The following TBC1D5 variants were observed in gnomAD, a reference collection of about 807,000 sequenced individuals.
The protein encoded by TBC1D5 is TBC1 domain family member 5.
Under a neutral mutation model 100.3 loss-of-function variants are expected in TBC1D5, and 75 were observed. That is an observed-to-expected ratio of 0.75 (90% confidence interval 0.62 to 0.91). The LOEUF (loss-of-function observed/expected upper bound fraction) is 0.91. Ranked by LOEUF, TBC1D5 falls within the 40% of genes least tolerant of loss-of-function variation. The pLI, the probability that TBC1D5 is intolerant of heterozygous loss-of-function variation, is 0.00. For synonymous variants in TBC1D5, 323 were observed against 325.6 expected (o/e 0.99, Z 0.09); for missense variants, 910 against 942.4 (o/e 0.97, Z 0.45).
intron 18 of TBC1D5, among the ~76,000 whole-genome samples, chr3:17,207,620 ACTTC>A (rs1219023437): frequency 6.6e-6 from 1 of 152,228 alleles, no homozygotes; most frequent in African/African-American, 2.4e-5. Flanking sequence ...TAAATGTGAT[ACTTC>A]CTTTTTATCT....
chr3:17,346,518 A>G (rs557431501), intron 13 of TBC1D5, among the ~76,000 whole-genome samples: 75 of 152,210 alleles, frequency 4.9e-4, no homozygotes, highest in African/African-American at 1.7e-3. Context: ...ACTTGTAAAC[A>G]TTTTTCCTAA....
At chr3:17,558,150 A>G (rs2096534372) in intron 2 of TBC1D5, among the ~76,000 whole-genome samples, 1 of 152,202 alleles carries the variant, frequency 6.6e-6, no homozygotes, top group Non-Finnish European at 1.5e-5. Flanking sequence ...TAAGAAACGA[A>G]AGTCAACTCT....
chr3:17,582,530 C>T (rs564162622), intron 2 of TBC1D5, among the ~76,000 whole-genome samples: 9 of 151,844 alleles, frequency 5.9e-5, no homozygotes, highest in African/African-American at 2.2e-4. Flanking sequence ...AAGAAATCTC[C>T]GAAAGACATG....
intron 2 of TBC1D5, among the ~76,000 whole-genome samples, chr3:17,533,770 A>T (rs1445593050): frequency 6.6e-6 from 1 of 152,138 alleles, no homozygotes; most frequent in Non-Finnish European, 1.5e-5. Context: ...GTATTATGTT[A>T]TTCTACTTTT....
intron 15 of TBC1D5, among the ~76,000 whole-genome samples, chr3:17,262,772 C>T (rs559053154): frequency 3.3e-5 from 5 of 152,152 alleles, no homozygotes; most frequent in African/African-American, 1.2e-4. Flanking sequence ...TGAGCCACCA[C>T]ACCCGGCCGA....
intron 2 of TBC1D5, among the ~76,000 whole-genome samples, chr3:17,564,166 A>C (rs1382250356): frequency 6.6e-6 from 1 of 152,220 alleles, no homozygotes; most frequent in Non-Finnish European, 1.5e-5. Flanking sequence ...TTAACAAAAA[A>C]TAAAGATAGT....
chr3:17,560,473 G>A (rs1337095219), intron 2 of TBC1D5, among the ~76,000 whole-genome samples: 1 of 152,050 alleles, frequency 6.6e-6, no homozygotes, highest in African/African-American at 2.4e-5. Context: ...TGAAAAATTA[G>A]CCAGCCATGG....
At chr3:17,330,805 A>G (rs2086774261) in intron 13 of TBC1D5, among the ~76,000 whole-genome samples, 1 of 152,182 alleles carries the variant, frequency 6.6e-6, no homozygotes. Context: ...AAAATATCCA[A>G]TGGTGAAATC....
intron 20 of TBC1D5, among the ~76,000 whole-genome samples, chr3:17,167,130 A>C (rs2066699505): frequency 6.6e-6 from 1 of 152,192 alleles, no homozygotes. Context: ...GAGCAAGAAA[A>C]ACGTCAGGAC....
In TBC1D5 at chr3:17,375,457, C is replaced by T. The variant is rs528173843; in HGVS notation, c.702-778G>A. Among the ~76,000 whole-genome samples the T allele has an allele frequency of 1.4e-4, 21 of 152,056 alleles. No individual in the cohort carries two copies. The South Asian group carries it at 2.9e-3, about 21-fold the overall frequency. ...TGGTGCCCGCCTGTAGTCTCAGCTA[C>T]TCGGGAGTCTGAGGCAGGAGAATCA... On this transcript the variant is annotated intron_variant, in intron 10 of 21. Coordinates refer to ENST00000253692, the Ensembl canonical transcript of TBC1D5.
chr3:17,264,363 T>C (rs746828320), intron 15 of TBC1D5, among the ~76,000 whole-genome samples: 3 of 152,184 alleles, frequency 2.0e-5, no homozygotes, highest in Admixed American at 6.5e-5. Context: ...GGTATCTCCA[T>C]TTGAATCATC....
intron 2 of TBC1D5, among the ~76,000 whole-genome samples, chr3:17,600,760 G>A (rs1421750469): frequency 6.6e-6 from 1 of 151,978 alleles, no homozygotes; most frequent in Admixed American, 6.6e-5. Flanking sequence ...AAGTCAGTTG[G>A]TTATTACTCT....
At chr3:17,727,449 A>G (rs1052833859) in intron 1 of TBC1D5, among the ~76,000 whole-genome samples, 1 of 152,228 alleles carries the variant, frequency 6.6e-6, no homozygotes, top group Non-Finnish European at 1.5e-5. Context: ...AAGATAATAA[A>G]TAAAGGAGAA....
intron 1 of TBC1D5, among the ~76,000 whole-genome samples, chr3:17,705,089 C>G (rs1334660964): frequency 1.6e-5 from 2 of 121,498 alleles, no homozygotes; most frequent in East Asian, 2.9e-4. Context: ...CACGGCTGGC[C>G]AGGCGGGGGG....
chr3:17,564,209 C>T (rs367711529), intron 2 of TBC1D5, among the ~76,000 whole-genome samples: 2 of 152,058 alleles, frequency 1.3e-5, no homozygotes, highest in African/African-American at 4.8e-5. Flanking sequence ...AGGAAAAAAA[C>T]GACCTCCCCA....
chr3:17,525,662 C>A (rs73155208), intron 2 of TBC1D5, among the ~76,000 whole-genome samples: 2 of 151,674 alleles, frequency 1.3e-5, no homozygotes, highest in Non-Finnish European at 2.9e-5. Context: ...AGCATAAATG[C>A]CCCTGTAGGT....
intron 3 of TBC1D5, among the ~76,000 whole-genome samples, chr3:17,436,772 T>C (rs755784250): frequency 6.6e-6 from 1 of 152,180 alleles, no homozygotes; most frequent in African/African-American, 2.4e-5. Flanking sequence ...AGTCTATCAA[T>C]AAACTAAAAC....
chr3:17,664,449 C>T (rs2067008657), intron 1 of TBC1D5, among the ~76,000 whole-genome samples: 1 of 152,086 alleles, frequency 6.6e-6, no homozygotes, highest in Admixed American at 6.5e-5. Context: ...ATACCAAAGG[C>T]CATTTTTCAA....
chr3:17,572,343 C>T (rs2096632341), intron 2 of TBC1D5, among the ~76,000 whole-genome samples: 1 of 151,784 alleles, frequency 6.6e-6, no homozygotes, highest in Admixed American at 6.6e-5. Flanking sequence ...CAAACTAATC[C>T]CTCCACTAGG....
Sources: allele counts gnomAD v4.1 joint callset (sites outside exome capture counted in the v4.1 genomes callset), GRCh38; gene constraint gnomAD v4.1.1; transcripts MANE v1.5; gene names NCBI Gene and HGNC (gene_info 2026-07-23, HGNC 2026-07-21).